The following BRINP3 variants were observed in gnomAD, a reference collection of about 807,000 sequenced individuals.
BRINP3 encodes the protein BMP/retinoic acid-inducible neural-specific protein 3.
A neutral mutation model predicts 71.0 loss-of-function variants in BRINP3; 19 were observed. The observed-to-expected ratio is 0.27, with a 90% CI of 0.19 to 0.39. The LOEUF is 0.39. BRINP3 is among the 10% of genes least tolerant of loss of function. The probability of loss-of-function intolerance (pLI) is 1.00; values close to 1 mark genes in which losing one functional copy is unlikely to be tolerated. For synonymous variants in BRINP3, 380 were observed against 337.7 expected (o/e 1.13, Z -1.37); for missense variants, 959 against 940.8 (o/e 1.02, Z -0.25).
At chr1:190,230,557 A>C (rs544074800) in intron 5 of BRINP3, among the ~76,000 whole-genome samples, 1 of 152,054 alleles carries the variant, frequency 6.6e-6, no homozygotes, top group East Asian at 1.9e-4. Context: ...GCTTCTATAT[A>C]TGTACAAATG....
intron 6 of BRINP3, among the ~76,000 whole-genome samples, chr1:190,219,636 G>A (rs1303558030): frequency 1.3e-5 from 2 of 151,798 alleles, no homozygotes; most frequent in South Asian, 2.1e-4. Flanking sequence ...TCAAGAGATC[G>A]AGACCATCCT....
At chr1:190,413,046 T>C (rs1672793121) in intron 2 of BRINP3, among the ~76,000 whole-genome samples, 1 of 152,204 alleles carries the variant, frequency 6.6e-6, no homozygotes, top group South Asian at 2.1e-4. Context: ...CACCGCTGAA[T>C]GTGCAGTAAT....
At chr1:190,134,980 G>A (rs1654850549) in intron 7 of BRINP3, among the ~76,000 whole-genome samples, 1 of 152,008 alleles carries the variant, frequency 6.6e-6, no homozygotes, top group African/African-American at 2.4e-5. Context: ...AAGTACACAT[G>A]TTATTTAAGG....
intron 2 of BRINP3, among the ~76,000 whole-genome samples, chr1:190,301,961 C>A (rs1415240236): frequency 6.6e-6 from 1 of 151,554 alleles, no homozygotes; most frequent in Non-Finnish European, 1.5e-5. Context: ...TGTTTTGGTA[C>A]TACTTGTATA....
At chr1:190,454,004 G>A (rs116666224) in intron 2 of BRINP3, among the ~76,000 whole-genome samples, 1,743 of 152,200 alleles carry the variant, frequency 0.011, 14 homozygotes, top group South Asian at 0.02. Context: ...ATGTATTCAC[G>A]GGACATCAGG....
chr1:190,338,729 A>C lies in BRINP3; in HGVS notation c.237-56979T>G, dbSNP rs1297703798. ...TTGCTTACCTGTACTATCTTATACT[A>C]TCCAAGACCTCTGTAGAAATAATGA... On this transcript the variant is annotated intron_variant, in intron 2 of 7. Transcript: ENST00000367462. Among the ~76,000 whole-genome samples the C allele has an allele frequency of 2.0e-5, 3 of 151,958 alleles. No homozygotes were observed. The East Asian group carries it at 5.8e-4, about 30-fold the overall frequency.
chr1:190,414,469 G>C (rs1218592388), intron 2 of BRINP3, among the ~76,000 whole-genome samples: 1 of 152,026 alleles, frequency 6.6e-6, no homozygotes, highest in African/African-American at 2.4e-5. Flanking sequence ...ATAAAGGGCT[G>C]GTATAGCCAC....
intron 2 of BRINP3, among the ~76,000 whole-genome samples, chr1:190,358,160 A>G (rs1340866656): frequency 1.3e-5 from 2 of 152,170 alleles, no homozygotes; most frequent in African/African-American, 2.4e-5. Flanking sequence ...ATTGACAAAT[A>G]GGATCTAATT....
chr1:190,169,030 G>A (rs964263913), intron 6 of BRINP3, among the ~76,000 whole-genome samples: 10 of 152,120 alleles, frequency 6.6e-5, no homozygotes, highest in African/African-American at 2.2e-4. Context: ...TTACAAGGAC[G>A]TAGATCATCT....
intron 6 of BRINP3, among the ~76,000 whole-genome samples, chr1:190,215,520 T>C (rs940591772): frequency 2.0e-5 from 3 of 151,950 alleles, no homozygotes; most frequent in Non-Finnish European, 4.4e-5. Context: ...AGAGAAAAAC[T>C]ATTTTTGATA....
chr1:190,307,038 G>A (rs957040338), intron 2 of BRINP3, among the ~76,000 whole-genome samples: 2 of 151,684 alleles, frequency 1.3e-5, no homozygotes, highest in Admixed American at 1.3e-4. Flanking sequence ...TTAAACTCTT[G>A]AGTGTCTACT....
At chr1:190,267,527 C>CA (rs980412882) in intron 3 of BRINP3, among the ~76,000 whole-genome samples, 2 of 145,922 alleles carry the variant, frequency 1.4e-5, no homozygotes, top group African/African-American at 2.4e-5. Flanking sequence ...ATTCTAAAAT[C>CA]AAAAAAATGA....
chr1:190,287,455 T>G (rs934591676), intron 2 of BRINP3, among the ~76,000 whole-genome samples: 1 of 152,108 alleles, frequency 6.6e-6, no homozygotes, highest in Non-Finnish European at 1.5e-5. Context: ...TTAATAGTAG[T>G]AGAGTTTAAT....
At chr1:190,416,494 G>A (rs1673010659) in intron 2 of BRINP3, among the ~76,000 whole-genome samples, 1 of 152,098 alleles carries the variant, frequency 6.6e-6, no homozygotes, top group South Asian at 2.1e-4. Flanking sequence ...ATGAACTTCA[G>A]CGGTTAAACT....
At chr1:190,308,813 A>G (rs973211257) in intron 2 of BRINP3, among the ~76,000 whole-genome samples, 1 of 151,960 alleles carries the variant, frequency 6.6e-6, no homozygotes, top group Non-Finnish European at 1.5e-5. Flanking sequence ...AAATGTATAT[A>G]TGTTTATATG....
At chr1:190,426,359 C>A (rs1673707884) in intron 2 of BRINP3, among the ~76,000 whole-genome samples, 1 of 151,718 alleles carries the variant, frequency 6.6e-6, no homozygotes, top group South Asian at 2.1e-4. Flanking sequence ...TGTACTACGC[C>A]CAGAAGATAA....
At chr1:190,179,554 C>G (rs1393028506) in intron 6 of BRINP3, among the ~76,000 whole-genome samples, 1 of 151,960 alleles carries the variant, frequency 6.6e-6, no homozygotes, top group Non-Finnish European at 1.5e-5. Flanking sequence ...CAGTGTCTGT[C>G]CCTAACAAAA....
At chr1:190,408,829 T>C (rs1672472970) in intron 2 of BRINP3, among the ~76,000 whole-genome samples, 1 of 152,164 alleles carries the variant, frequency 6.6e-6, no homozygotes, top group African/African-American at 2.4e-5. Context: ...ATGTTAACCA[T>C]CTTAGTTGGA....
intron 2 of BRINP3, among the ~76,000 whole-genome samples, chr1:190,422,044 A>T (rs1344773320): frequency 1.3e-5 from 2 of 151,792 alleles, no homozygotes; most frequent in Non-Finnish European, 2.9e-5. Context: ...CTGGTATTTC[A>T]TCAGATGACT....
Sources: allele counts gnomAD v4.1 joint callset (sites outside exome capture counted in the v4.1 genomes callset), GRCh38; gene constraint gnomAD v4.1.1; transcripts MANE v1.5; gene names NCBI Gene and HGNC (gene_info 2026-07-23, HGNC 2026-07-21).